Variants in KAZN observed in about 807,000 individuals in gnomAD.
The protein encoded by KAZN is kazrin.
KAZN carries 40 observed loss-of-function variants against 87.4 expected under a neutral mutation model. That is an observed-to-expected ratio of 0.46 (90% confidence interval 0.36 to 0.60). The LOEUF is 0.60. Ranked by LOEUF, KAZN falls within the 20% of genes least tolerant of loss-of-function variation. The pLI, the probability that KAZN is intolerant of heterozygous loss-of-function variation, is 0.00. For synonymous variants in KAZN, 466 were observed against 458.3 expected, an observed-to-expected ratio of 1.02 and a Z score of -0.22; for missense variants, 898 against 1,073.9, an observed-to-expected ratio of 0.84 and a Z score of 2.29.
chr1:14,782,409 A>T (rs1243752249), intron 1 of KAZN, among the ~76,000 whole-genome samples: 8 of 151,932 alleles, frequency 5.3e-5, no homozygotes. Context: ...TTAGCCCGGC[A>T]TGGTAGCACG....
At chr1:14,309,049 C>T (rs916506952) in intron 2 of KAZN, among the ~76,000 whole-genome samples, 90 of 152,302 alleles carry the variant, frequency 5.9e-4, no homozygotes, top group African/African-American at 2.0e-3. Context: ...AATTAAGCCT[C>T]CTCATTTTTC....
intron 1 of KAZN, among the ~76,000 whole-genome samples, chr1:14,665,852 A>G (rs1639504471): frequency 6.6e-6 from 1 of 150,714 alleles, no homozygotes; most frequent in Admixed American, 6.6e-5. Context: ...TCCCCACTAA[A>G]GGCTGAAGTG....
intron 2 of KAZN, among the ~76,000 whole-genome samples, chr1:14,219,496 A>C (rs1246087357): frequency 6.6e-6 from 1 of 152,190 alleles, no homozygotes; most frequent in Admixed American, 6.5e-5. Flanking sequence ...TTTCTCCAAT[A>C]GGTTTCATGC....
chr1:14,159,130 G>A (rs1458802498), intron 1 of KAZN, among the ~76,000 whole-genome samples: 2 of 152,120 alleles, frequency 1.3e-5, no homozygotes, highest in East Asian at 1.9e-4. Flanking sequence ...GTTTGCTCAA[G>A]GCCCTGGGAC....
chr1:14,469,913 T>G (rs997536001), intron 2 of KAZN, among the ~76,000 whole-genome samples: 3 of 152,236 alleles, frequency 2.0e-5, no homozygotes, highest in Non-Finnish European at 4.4e-5. Context: ...TGGCTTTGAA[T>G]AATGTCTTGT....
intron 1 of KAZN, among the ~76,000 whole-genome samples, chr1:14,691,193 G>A (rs981546008): frequency 2.0e-5 from 3 of 151,964 alleles, no homozygotes; most frequent in Admixed American, 2.0e-4. Context: ...AGTTTCAGGT[G>A]GGGAAAAAAA....
intron 1 of KAZN, among the ~76,000 whole-genome samples, chr1:14,087,014 T>C (rs967011504): frequency 2.6e-5 from 4 of 152,196 alleles, no homozygotes; most frequent in African/African-American, 4.8e-5. Context: ...TTCTAAGTCC[T>C]TTGTGTTTCT....
intron 1 of KAZN, among the ~76,000 whole-genome samples, chr1:14,662,512 G>A (rs1243880021): frequency 6.6e-6 from 1 of 152,092 alleles, no homozygotes; most frequent in Non-Finnish European, 1.5e-5. Flanking sequence ...CAGGTCCCAG[G>A]CACCATTCCT....
intron 2 of KAZN, among the ~76,000 whole-genome samples, chr1:14,315,549 T>C (rs935510390): frequency 2.0e-5 from 3 of 152,128 alleles, no homozygotes; most frequent in South Asian, 4.1e-4. Flanking sequence ...TTCCTTTGTT[T>C]ATAGCCAGCC....
At chr1:14,744,574 T>C (rs1208666365) in intron 1 of KAZN, among the ~76,000 whole-genome samples, 1 of 151,652 alleles carries the variant, frequency 6.6e-6, no homozygotes, top group Non-Finnish European at 1.5e-5. Flanking sequence ...CTACACAAAA[T>C]AAAAATAAAA....
At chr1:14,852,557 C>A (rs1163153205) in intron 1 of KAZN, among the ~76,000 whole-genome samples, 1 of 152,204 alleles carries the variant, frequency 6.6e-6, no homozygotes, top group Non-Finnish European at 1.5e-5. Context: ...GCTTGGTCAG[C>A]GTTTTCAGCC....
intron 2 of KAZN, among the ~76,000 whole-genome samples, chr1:14,982,805 G>A (rs1019312470): frequency 6.6e-6 from 1 of 152,182 alleles, no homozygotes; most frequent in African/African-American, 2.4e-5. Context: ...AAGACCAGAG[G>A]CCTAGTGCTG....
intron 1 of KAZN, among the ~76,000 whole-genome samples, chr1:14,947,195 G>A (rs1661915557): frequency 6.6e-6 from 1 of 152,248 alleles, no homozygotes; most frequent in South Asian, 2.1e-4. Flanking sequence ...TGTGGATGGT[G>A]TCATGAGGTG....
At chr1:15,095,015 G>A (rs567769990) in intron 10 of KAZN, 82 bp downstream of exon 10, 14 of 940,790 alleles carry the variant, frequency 1.5e-5, no homozygotes, top group East Asian at 7.9e-5. Context: ...GGTGAGCGGG[G>A]CACTGTGGGC....
chr1:14,020,765 G>A (rs539116120), intron 1 of KAZN, among the ~76,000 whole-genome samples: 2 of 152,270 alleles, frequency 1.3e-5, no homozygotes, highest in East Asian at 1.9e-4. Context: ...TTCCCTCTGT[G>A]AGCTTATATG....
At chr1:14,049,632 T>G (rs1642225911) in intron 1 of KAZN, among the ~76,000 whole-genome samples, 1 of 152,170 alleles carries the variant, frequency 6.6e-6, no homozygotes, top group African/African-American at 2.4e-5. Flanking sequence ...TCTCCCTCTC[T>G]TCCTTCCTTT....
intron 2 of KAZN, among the ~76,000 whole-genome samples, chr1:14,278,266 C>T (rs1290397506): frequency 6.7e-6 from 1 of 148,376 alleles, no homozygotes; most frequent in Non-Finnish European, 1.5e-5. Context: ...GTATCTTTAT[C>T]ACACCTGAAA....
At chr1:14,952,299 T>G (rs1407943559) in intron 1 of KAZN, among the ~76,000 whole-genome samples, 1 of 149,430 alleles carries the variant, frequency 6.7e-6, no homozygotes, top group African/African-American at 2.5e-5. Flanking sequence ...ACACTAGTGT[T>G]TCCTGGTCAC....
chr1:14,138,082 A>AGT (rs149980453), intron 1 of KAZN, among the ~76,000 whole-genome samples: 6,618 of 149,976 alleles, frequency 0.044, 339 homozygotes, highest in African/African-American at 0.13. Flanking sequence ...TAAATGTTAC[A>AGT]GTGTGTGTGT....
Sources: gnomAD v4.1 joint callset for allele counts (sites outside exome capture counted in the v4.1 genomes callset) on GRCh38, gnomAD v4.1.1 for gene constraint, MANE v1.5 for transcripts, NCBI Gene and HGNC (gene_info 2026-07-23, HGNC 2026-07-21) for gene names.